Variants in HEATR4 observed in about 807,000 individuals in gnomAD.
HEATR4 encodes HEAT repeat-containing protein 4.
HEATR4 carries 95 observed loss-of-function variants against 108.8 expected under a neutral mutation model. The ratio of observed to expected loss-of-function variants is 0.87; its 90% CI spans 0.74 to 1.04. The LOEUF (loss-of-function observed/expected upper bound fraction) is 1.04, where lower values mean the gene tolerates loss of function less well. Among genes scored for constraint, HEATR4 ranks in the 50% least tolerant of loss-of-function variants. The probability of loss-of-function intolerance (pLI) is 0.00; values close to 1 mark genes in which losing one functional copy is unlikely to be tolerated. For synonymous variants in HEATR4, 443 were observed against 459.4 expected, an observed-to-expected ratio of 0.96 and a Z score of 0.46; for missense variants, 1,152 against 1,253.8, an observed-to-expected ratio of 0.92 and a Z score of 1.23.
At chr14:73,626,789 CTTTTTTT>C in the HEATR4 span, among the ~76,000 whole-genome samples, 2 of 82,358 alleles carry the variant, frequency 2.4e-5, no homozygotes, top group East Asian at 3.6e-4. Context: ...GACAAACAGC[CTTTTTTT>C]TTTTTTTTTT....
chr14:73,597,057 T>C, the HEATR4 span, among the ~76,000 whole-genome samples: 1 of 148,940 alleles, frequency 6.7e-6, no homozygotes, highest in Non-Finnish European at 1.5e-5. Context: ...TAAAACTGTT[T>C]ATGGTAATTT....
At chr14:73,570,330 G>C in the HEATR4 span, among the ~76,000 whole-genome samples, 12 of 151,862 alleles carry the variant, frequency 7.9e-5, no homozygotes, top group African/African-American at 2.2e-4. Context: ...AGCACTTTGG[G>C]AAGTCTCGGC....
chr14:73,508,297 G>A lies in HEATR4; in HGVS notation c.1721-3C>T. ...AGCCCAGCTATCCACACTGTTACCT[G>A]CCACAGTTGGGTGAAAAAGAGTTCA... On this transcript the variant is annotated splice_region_variant and splice_polypyrimidine_tract_variant and intron_variant, in intron 8 of 17. Transcript: ENST00000553558. The A allele has an allele frequency of 1.9e-6, 3 of 1,613,142 alleles. 1 individual carries two copies. In the South Asian group the frequency reaches 3.3e-5, roughly 18 times the overall value.
the HEATR4 span, among the ~76,000 whole-genome samples, chr14:73,620,542 G>A: frequency 5.3e-5 from 8 of 151,920 alleles, no homozygotes; most frequent in African/African-American, 1.9e-4. Context: ...CTGCCCACTC[G>A]ATTGCCTTAA....
At chr14:73,616,823 A>G in the HEATR4 span, 60 of 545,986 alleles carry the variant, frequency 1.1e-4, no homozygotes, top group African/African-American at 1.1e-3. Flanking sequence ...ATTGTACCCA[A>G]TATGTAGTTT....
intron 17 of HEATR4, among the ~76,000 whole-genome samples, chr14:73,484,489 G>A (rs1002109779): frequency 2.6e-5 from 4 of 151,880 alleles, no homozygotes; most frequent in African/African-American, 7.3e-5. Flanking sequence ...AGCAATTCTG[G>A]TGCCTCAGCC....
At chr14:73,494,592 C>G (rs2140253355) in intron 16 of HEATR4, among the ~76,000 whole-genome samples, 1 of 152,134 alleles carries the variant, frequency 6.6e-6, no homozygotes, top group East Asian at 1.9e-4. Context: ...ACTTTGTTGC[C>G]CAGGCTGGGG....
chr14:73,490,949 G>T, intron 17 of HEATR4: 1 of 1,283,090 alleles, frequency 7.8e-7, no homozygotes, highest in Non-Finnish European at 9.9e-7. Context: ...CACCGCAGCC[G>T]CTGCATTCAG....
Position 73,509,858 on chromosome 14 carries a change from ATATATATATATT to A in HEATR4, c.1559-397_1559-386del, listed in dbSNP as rs1566832306. On this transcript the variant is annotated intron_variant, in intron 7 of 17. Transcript: ENST00000553558. ...TATATATATATATATATATATATAT[ATATATATATATT>A]TATTTATTTTATATATTTTTTGAGA... 7.3e-4 allele frequency among the ~76,000 whole-genome samples: 43 copies of A among 59,184 alleles called. 2 individuals carry two copies. The highest frequency in any genetic ancestry group is 2.5e-3 in the African/African-American group (31 of 12,280). 38.8% of individuals were successfully genotyped at this position (59,184 alleles called of 152,430 possible). A position where few individuals can be genotyped will look rare whatever the true frequency, so the allele number is the denominator to read the frequency against.
At chr14:73,491,810 G>A (rs770243279) in intron 17 of HEATR4, 1 of 1,600,288 alleles carries the variant, frequency 6.2e-7, no homozygotes, top group South Asian at 1.1e-5. Flanking sequence ...TTTGGACGCC[G>A]CTCGCTACAT....
Position 73,522,878 on chromosome 14 carries a change from C to T in HEATR4, c.275G>A (p.Ser92Asn). 1.2e-6 allele frequency: 2 copies of T among 1,614,182 alleles called. No individual in the cohort carries two copies. Among genetic ancestry groups the T allele is most frequent in the South Asian group, 2.2e-5 (2 of 91,088 alleles). Residue 92 changes from serine (S) to asparagine (N), a missense_variant, in exon 3 of 18, where the codon AGC (serine) becomes AAC (asparagine). Coordinates refer to ENST00000553558, the MANE Select transcript of HEATR4 (RefSeq NM_001220484.1). ...ATTGGTATTGTAGAGGTGGTCAAAG[C>T]TGTACTGGCTATAAGGAATGCTGGG... ...GLPSIPYSQY[S>N]FDHLYNTNDI...
chr14:73,584,921 C>T, the HEATR4 span, among the ~76,000 whole-genome samples: 1 of 151,758 alleles, frequency 6.6e-6, no homozygotes, highest in Non-Finnish European at 1.5e-5. Flanking sequence ...TCCAGTGTCC[C>T]CCACTTCCTG....
chr14:73,500,740 A>T lies in HEATR4; in HGVS notation c.2106-10T>A. ...TTGACCTAGCTTGACCCTGTAAGGC[A>T]CAAGTTGCTTTCCTTTCACCTCCTT... On this transcript the variant is annotated splice_polypyrimidine_tract_variant and intron_variant, in intron 11 of 17. Coordinates refer to ENST00000553558, the MANE Select transcript of HEATR4 (RefSeq NM_001220484.1). 1 of 1,610,084 alleles carries T rather than the reference A, an allele frequency of 6.2e-7. No individual in the cohort carries two copies. Among genetic ancestry groups the T allele is most frequent in the Non-Finnish European group, 8.5e-7 (1 of 1,176,924 alleles).
chr14:73,526,870 C>T (rs1284869424), intron 2 of HEATR4, among the ~76,000 whole-genome samples: 3 of 152,166 alleles, frequency 2.0e-5, no homozygotes, highest in Non-Finnish European at 4.4e-5. Flanking sequence ...ACCCAGTGCA[C>T]TGCCATCTGT....
the HEATR4 span, among the ~76,000 whole-genome samples, chr14:73,626,007 A>T: frequency 6.6e-6 from 1 of 152,256 alleles, no homozygotes; most frequent in Admixed American, 6.5e-5. Context: ...TCCCCTAAGC[A>T]GTTAGCCAAG....
upstream of HEATR4, among the ~76,000 whole-genome samples, chr14:73,562,531 C>A (rs1466538501): frequency 6.6e-6 from 1 of 151,916 alleles, no homozygotes; most frequent in Non-Finnish European, 1.5e-5. Flanking sequence ...CGGAGTCGGG[C>A]CAAAAGAGCC....
chr14:73,613,116 C>T, the HEATR4 span: 2 of 511,332 alleles, frequency 3.9e-6, no homozygotes, highest in African/African-American at 4.1e-5. Flanking sequence ...GTGGAACATC[C>T]CTGAACTTGT....
the HEATR4 span, chr14:73,571,701 G>A: frequency 6.6e-6 from 1 of 151,910 alleles, no homozygotes; most frequent in Non-Finnish European, 1.5e-5. Context: ...GCTCATCGCT[G>A]CCGGGGCACT....
the HEATR4 span, among the ~76,000 whole-genome samples, chr14:73,630,138 G>A: frequency 6.6e-6 from 1 of 152,014 alleles, no homozygotes; most frequent in South Asian, 2.1e-4. Context: ...TGGGAGCAGG[G>A]GAAAGCAAAA....
Sources: allele counts gnomAD v4.1 joint callset (sites outside exome capture counted in the v4.1 genomes callset), GRCh38; gene constraint gnomAD v4.1.1; transcripts MANE v1.5; gene names NCBI Gene and HGNC (gene_info 2026-07-23, HGNC 2026-07-21).